The following KLHDC1 variants were observed in gnomAD, a reference collection of about 807,000 sequenced individuals.
The protein encoded by KLHDC1 is kelch domain-containing protein 1.
KLHDC1 carries 53 observed loss-of-function variants against 68.3 expected under a neutral mutation model. The observed-to-expected ratio is 0.78, with a 90% confidence interval of 0.62 to 0.98. The LOEUF (loss-of-function observed/expected upper bound fraction) is 0.98. Among genes scored for constraint, KLHDC1 ranks in the 50% least tolerant of loss-of-function variants. The probability of loss-of-function intolerance (pLI) is 0.00; values close to 1 mark genes in which losing one functional copy is unlikely to be tolerated. For missense variants in KLHDC1, 470 were observed against 492.3 expected, an observed-to-expected ratio of 0.95 and a Z score of 0.43; for synonymous variants, 148 against 159.0, an observed-to-expected ratio of 0.93 and a Z score of 0.52.
At chr14:49,729,468 A>G in intron 7 of KLHDC1, 22 bp from the exon 8 acceptor site, 1 of 1,555,098 alleles carries the variant, frequency 6.4e-7, no homozygotes, top group Non-Finnish European at 8.9e-7. Context: ...ATACTGACCA[A>G]TGTAACACAC....
At chr14:49,717,189 T>C (rs776615840) in intron 4 of KLHDC1, among the ~76,000 whole-genome samples, 2 of 152,236 alleles carry the variant, frequency 1.3e-5, no homozygotes, top group Non-Finnish European at 2.9e-5. Flanking sequence ...CATATAACTT[T>C]GTGTGATTCA....
In KLHDC1 at chr14:49,751,888, T is replaced by G. The variant is rs964544413; in HGVS notation, c.*116T>G. The G allele has an allele frequency of 8.1e-6, 4 of 494,436 alleles. No individual in the cohort carries two copies. The highest frequency in any genetic ancestry group is 1.4e-5 in the Non-Finnish European group (4 of 285,594). 30.6% of individuals were successfully genotyped at this position (494,436 alleles called of 1,614,324 possible). On this transcript the variant is annotated 3_prime_UTR_variant, in exon 13 of 13. Transcript: ENST00000359332. ...TAAAATTTAAAGGATAAAAAAACAG[T>G]CACTCTGTTAAGTGACTATATGCCA... is the stretch of plus-strand genomic sequence containing the variant.
rs144925569 is a variant in KLHDC1, at chr14:49,724,704, G to T, written c.483+752G>T. On this transcript the variant is annotated intron_variant, in intron 5 of 12. Transcript: ENST00000359332. Reference sequence around the variant, plus strand: ...TTAAAGTATTGCTGAGAATTTTCAGGAATATAACTTCTATTTATATCTAGT... The same window carrying T: ...TTAAAGTATTGCTGAGAATTTTCAGTAATATAACTTCTATTTATATCTAGT... Among the ~76,000 whole-genome samples the T allele has an allele frequency of 9.3e-4, 141 of 152,080 alleles. 1 individual carries two copies. The highest frequency in any genetic ancestry group is 3.3e-3 in the African/African-American group (137 of 41,484).
intron 4 of KLHDC1, among the ~76,000 whole-genome samples, chr14:49,712,439 C>A (rs1888230582): frequency 6.6e-6 from 1 of 151,582 alleles, no homozygotes; most frequent in African/African-American, 2.4e-5. Flanking sequence ...GAAAGTTAAG[C>A]AAATTCATGT....
chr14:49,716,095 A>G (rs1410732882), intron 4 of KLHDC1, among the ~76,000 whole-genome samples: 2 of 152,038 alleles, frequency 1.3e-5, no homozygotes, highest in Non-Finnish European at 2.9e-5. Context: ...TTGGTTTGCA[A>G]AAAGCATTTT....
chr14:49,702,692 A>G (rs1011849093), intron 1 of KLHDC1, among the ~76,000 whole-genome samples: 1 of 152,212 alleles, frequency 6.6e-6, no homozygotes, highest in Non-Finnish European at 1.5e-5. Context: ...GTTACAGCTC[A>G]TAGTAGGTGC....
intron 1 of KLHDC1, chr14:49,708,897 TA>T (rs1888127637): frequency 4.6e-6 from 1 of 218,536 alleles, no homozygotes; most frequent in Admixed American, 5.9e-5. Flanking sequence ...AAGCCCCTTT[TA>T]AAGGTTTAAT....
At chr14:49,722,815 A>T (rs1398788567) in intron 4 of KLHDC1, among the ~76,000 whole-genome samples, 1 of 152,174 alleles carries the variant, frequency 6.6e-6, no homozygotes, top group East Asian at 1.9e-4. Context: ...CAGCGGGTGC[A>T]GTGGCTCACG....
intron 11 of KLHDC1, among the ~76,000 whole-genome samples, chr14:49,740,806 T>A (rs1320232119): frequency 6.6e-6 from 1 of 152,140 alleles, no homozygotes; most frequent in Non-Finnish European, 1.5e-5. Context: ...AAAATATTTG[T>A]ATGTAGGCTG....
intron 5 of KLHDC1, among the ~76,000 whole-genome samples, chr14:49,724,165 A>T (rs566619518): frequency 6.6e-6 from 1 of 152,314 alleles, no homozygotes; most frequent in East Asian, 1.9e-4. Context: ...TGGCAGAGTA[A>T]TTTCTTTTCT....
At chr14:49,726,181 A>T (rs750436309) in intron 6 of KLHDC1, among the ~76,000 whole-genome samples, 2 of 152,196 alleles carry the variant, frequency 1.3e-5, no homozygotes, top group Non-Finnish European at 2.9e-5. Flanking sequence ...TTAGGTTTGT[A>T]ATCACATACC....
chr14:49,709,549 C>A (rs982139012), intron 2 of KLHDC1, among the ~76,000 whole-genome samples, 160 bp from the exon 3 acceptor site: 3 of 151,532 alleles, frequency 2.0e-5, no homozygotes, highest in African/African-American at 4.9e-5. Flanking sequence ...AAAAGTTTTA[C>A]CCTGGATCTT....
At chr14:49,738,788 A>G (rs1181385339) in intron 10 of KLHDC1, among the ~76,000 whole-genome samples, 1 of 152,218 alleles carries the variant, frequency 6.6e-6, no homozygotes, top group Non-Finnish European at 1.5e-5. Flanking sequence ...CACTCTCCAG[A>G]GTGGGAGGAT....
intron 4 of KLHDC1, among the ~76,000 whole-genome samples, chr14:49,710,663 A>G (rs1055188191): frequency 6.6e-6 from 1 of 151,978 alleles, no homozygotes; most frequent in African/African-American, 2.4e-5. Flanking sequence ...TCATTCCCCT[A>G]CTCTGAGCAT....
chr14:49,741,171 C>A (rs773863625), intron 11 of KLHDC1, among the ~76,000 whole-genome samples: 19 of 152,048 alleles, frequency 1.2e-4, no homozygotes, highest in South Asian at 1.0e-3. Flanking sequence ...ATAATAAATA[C>A]CCATGAATTT....
At chr14:49,747,793 T>G (rs948713451) in intron 12 of KLHDC1, among the ~76,000 whole-genome samples, 1 of 152,112 alleles carries the variant, frequency 6.6e-6, no homozygotes, top group East Asian at 1.9e-4. Context: ...ATCATCAATA[T>G]GTAGTGGCAC....
chr14:49,726,224 A>G (rs113053990), intron 6 of KLHDC1, among the ~76,000 whole-genome samples: 2 of 152,282 alleles, frequency 1.3e-5, no homozygotes, highest in East Asian at 3.9e-4. Context: ...CATTAATAGC[A>G]TTAAGAAAAA....
chr14:49,728,987 A>G lies in KLHDC1; in HGVS notation c.629A>G (p.Tyr210Cys), dbSNP rs761557465. 3 of 1,613,274 alleles carry G rather than the reference A, an allele frequency of 1.9e-6. No individual in the cohort carries two copies. Among genetic ancestry groups the G allele is most frequent in the Non-Finnish European group, 1.7e-6 (2 of 1,179,230 alleles). ...TGTGCAGTTCTTGGAAATAAGGGTT[A>G]TATCTTTGGCGGACGTGTTCTGGTT... ...HTCAVLGNKG[Y>C]IFGGRVLQTR... Residue 210 changes from tyrosine to cysteine, a missense_variant, in exon 7 of 13, where the codon TAT (tyrosine) becomes TGT (cysteine). By Grantham distance (194) the Tyr-to-Cys change is radical. Coordinates refer to ENST00000359332, the MANE Select transcript of KLHDC1 (RefSeq NM_172193.3).
At chr14:49,739,245 A>G (rs2139764589) in intron 10 of KLHDC1, among the ~76,000 whole-genome samples, 1 of 152,310 alleles carries the variant, frequency 6.6e-6, no homozygotes, top group Admixed American at 6.5e-5. Context: ...CTTTTCTCAT[A>G]GGGGAAGCAA....
Sources: gnomAD v4.1 joint callset for allele counts (sites outside exome capture counted in the v4.1 genomes callset) on GRCh38, gnomAD v4.1.1 for gene constraint, MANE v1.5 for transcripts, NCBI Gene and HGNC (gene_info 2026-07-23, HGNC 2026-07-21) for gene names.